Variants in ACYP2 observed in about 807,000 individuals in gnomAD.
The protein encoded by ACYP2 is acylphosphatase-2.
ACYP2 carries 12 observed loss-of-function variants against 11.2 expected under a neutral mutation model. That is an observed-to-expected ratio of 1.08 (90% CI 0.69 to 1.74). The LOEUF is 1.74. ACYP2 is among the 40% of genes most tolerant of loss of function. The pLI is 0.00. For missense variants in ACYP2, 134 were observed against 101.9 expected (o/e 1.31, Z -1.35); for synonymous variants, 43 against 32.2 (o/e 1.33, Z -1.13).
chr2:54,060,655 G>A (rs75382378), intron 4 of ACYP2, among the ~76,000 whole-genome samples: 1 of 152,044 alleles, frequency 6.6e-6, no homozygotes, highest in South Asian at 2.1e-4. Flanking sequence ...TTTTATTTTG[G>A]TATGATAGAA....
At chr2:54,031,716 G>A (rs1386051652) in intron 2 of ACYP2, among the ~76,000 whole-genome samples, 1 of 152,162 alleles carries the variant, frequency 6.6e-6, no homozygotes, top group Non-Finnish European at 1.5e-5. Flanking sequence ...CTTCCACAAT[G>A]GTTGAACTAG....
Position 54,304,871 on chromosome 2 carries a change from T to C in ACYP2, c.*69T>C. On this transcript the variant is annotated 3_prime_UTR_variant, in exon 7 of 7. Coordinates refer to ENST00000607452, the MANE Select transcript of ACYP2 (RefSeq NM_001320586.2). The stretch of plus-strand genomic sequence containing the variant: ...GTTCTTAAGACTATGTATACTAGAA[T>C]AATAGTAGCAGAGTAGGGTGAAAAG... The C allele has an allele frequency of 1.2e-6, 1 of 843,352 alleles. No individual in the cohort carries two copies. Among genetic ancestry groups the C allele is most frequent in the Non-Finnish European group, 1.8e-6 (1 of 550,078 alleles). The allele number at this position is 843,352 out of a possible 1,614,324, so 52.2% of individuals were successfully genotyped here. A position where few individuals can be genotyped will look rare whatever the true frequency, so the allele number is the denominator to read the frequency against.
intron 4 of ACYP2, among the ~76,000 whole-genome samples, chr2:54,122,412 C>T (rs1406660518): frequency 6.6e-6 from 1 of 152,144 alleles, no homozygotes; most frequent in Non-Finnish European, 1.5e-5. Flanking sequence ...TCTTTTATCA[C>T]CAAAAGGGCT....
At chr2:54,044,523 G>A (rs1391099116) in intron 2 of ACYP2, among the ~76,000 whole-genome samples, 2 of 151,832 alleles carry the variant, frequency 1.3e-5, no homozygotes, top group East Asian at 3.9e-4. Context: ...GGAGGTGGAG[G>A]TTGCAGTGAG....
intron 6 of ACYP2, chr2:54,256,009 A>G: frequency 6.2e-7 from 1 of 1,614,092 alleles, no homozygotes; most frequent in Non-Finnish European, 8.5e-7. Context: ...CGGTGGGAAC[A>G]CGATTGGCTC....
At position 54,062,009 on chromosome 2, in the gene ACYP2, T is replaced by A. The variant is rs866370717; in HGVS notation, c.277+4649T>A. On this transcript the variant is annotated intron_variant, in intron 4 of 6. Transcript: ENST00000607452. ...AATATCTTACATAGTTAGATCATTA[T>A]ATTGGCTTTAAAGTGTTTTGCGTAA... 2.6e-5 allele frequency among the ~76,000 whole-genome samples: 4 copies of A among 152,346 alleles called. No homozygotes were observed. The Middle Eastern group carries it at 0.014, about 518-fold the overall frequency.
intron 4 of ACYP2, 125 bp from the exon 1 acceptor site, chr2:54,115,490 C>T: frequency 7.2e-7 from 1 of 1,384,148 alleles, no homozygotes; most frequent in South Asian, 1.5e-5. Flanking sequence ...CGGCCTCTTC[C>T]CTCCTGGCGT....
intron 2 of ACYP2, among the ~76,000 whole-genome samples, chr2:54,049,623 C>G (rs1458849440): frequency 2.0e-5 from 3 of 152,136 alleles, no homozygotes; most frequent in African/African-American, 7.2e-5. Flanking sequence ...AGGCCTTTGA[C>G]AAAAAACAGC....
chr2:54,266,778 T>C (rs1485706643), intron 6 of ACYP2, among the ~76,000 whole-genome samples: 1 of 151,544 alleles, frequency 6.6e-6, no homozygotes, highest in Non-Finnish European at 1.5e-5. Context: ...GCTAATTTTT[T>C]TGTATTTTTT....
chr2:54,284,021 G>T (rs1290544893), intron 6 of ACYP2, among the ~76,000 whole-genome samples: 1 of 152,230 alleles, frequency 6.6e-6, no homozygotes, highest in Non-Finnish European at 1.5e-5. Context: ...TGAGGCAGGA[G>T]AATCACTTGA....
At chr2:53,988,823 G>A (rs190984266) in intron 2 of ACYP2, among the ~76,000 whole-genome samples, 96 of 152,228 alleles carry the variant, frequency 6.3e-4, no homozygotes, top group African/African-American at 2.1e-3. Context: ...TTGGGTCACT[G>A]CAACCTCTGC....
At chr2:54,208,765 G>A (rs1368598380) in intron 6 of ACYP2, among the ~76,000 whole-genome samples, 1 of 151,676 alleles carries the variant, frequency 6.6e-6, no homozygotes, top group African/African-American at 2.4e-5. Context: ...AGGAAAAATT[G>A]TCATATGCAT....
At chr2:53,987,127 G>A (rs989890413) in intron 2 of ACYP2, among the ~76,000 whole-genome samples, 1 of 152,118 alleles carries the variant, frequency 6.6e-6, no homozygotes, top group African/African-American at 2.4e-5. Context: ...GTTATAACAA[G>A]CAAAACTAAT....
At chr2:54,143,550 C>G (rs141004558) in intron 6 of ACYP2, among the ~76,000 whole-genome samples, 1 of 152,130 alleles carries the variant, frequency 6.6e-6, no homozygotes, top group Non-Finnish European at 1.5e-5. Flanking sequence ...TCTTCTGCCT[C>G]AGCCTCCCGA....
intron 2 of ACYP2, among the ~76,000 whole-genome samples, chr2:54,037,563 A>T (rs748474099): frequency 6.6e-6 from 1 of 151,950 alleles, no homozygotes; most frequent in Non-Finnish European, 1.5e-5. Flanking sequence ...GTGAACCCCT[A>T]TGCCTAGTTA....
chr2:54,245,482 C>T (rs746176729), intron 6 of ACYP2, among the ~76,000 whole-genome samples: 1 of 151,976 alleles, frequency 6.6e-6, no homozygotes, highest in African/African-American at 2.4e-5. Context: ...TGTTGGTTTA[C>T]ATTCCCACCA....
At chr2:54,293,108 C>T (rs1489444629) in intron 6 of ACYP2, among the ~76,000 whole-genome samples, 1 of 152,120 alleles carries the variant, frequency 6.6e-6, no homozygotes, top group East Asian at 1.9e-4. Flanking sequence ...GTGAGGGAGG[C>T]AGTATACTCC....
intron 6 of ACYP2, among the ~76,000 whole-genome samples, chr2:54,282,577 A>C (rs1010862890): frequency 2.0e-5 from 3 of 152,182 alleles, no homozygotes; most frequent in African/African-American, 7.2e-5. Flanking sequence ...CTTCCTTATT[A>C]ATAGAACAAA....
intron 2 of ACYP2, among the ~76,000 whole-genome samples, chr2:54,025,350 C>G (rs530136021): frequency 6.6e-6 from 1 of 152,142 alleles, no homozygotes. Context: ...GCTATAGTCA[C>G]CAAAACAGCA....
Sources: allele counts gnomAD v4.1 joint callset (sites outside exome capture counted in the v4.1 genomes callset), GRCh38; gene constraint gnomAD v4.1.1; transcripts MANE v1.5; gene names NCBI Gene and HGNC (gene_info 2026-07-23, HGNC 2026-07-21).